MDN1: variants seen among roughly 807,000 people sequenced by gnomAD.
MDN1 encodes the protein midasin.
In MDN1, 266 loss-of-function variants were observed where a neutral mutation model predicts 669.2. The ratio of observed to expected loss-of-function variants is 0.40; its 90% CI spans 0.36 to 0.44. The LOEUF is 0.44. Among genes scored for constraint, MDN1 ranks in the 20% least tolerant of loss-of-function variants. The pLI is 1.00. For missense variants in MDN1, 5,940 were observed against 6,754.0 expected (o/e 0.88, Z 4.22); for synonymous variants, 2,385 against 2,457.1 (o/e 0.97, Z 0.87).
chr6:89,802,352 G>A (rs1767721870), intron 2 of MDN1, among the ~76,000 whole-genome samples: 1 of 152,122 alleles, frequency 6.6e-6, no homozygotes, highest in African/African-American at 2.4e-5. Context: ...TGTATTTATT[G>A]CATTGATGAA....
rs1278380103 is a variant in MDN1, at chr6:89,690,758, T to C, written c.10664A>G (p.Tyr3555Cys). The change falls in exon 64 of 102, where the codon TAC becomes TGC. Residue 3555 changes from tyrosine to cysteine, a missense_variant. Transcript: ENST00000369393. ...GGCTGTCCTAGAGTTCCTGCTCCTG[T>C]ATCTATACAGGCCGCTTTCCTGCTC... Reference protein sequence around the residue: ...KAEQESGLYRYRSRNSRTALS... With the variant: ...KAEQESGLYRCRSRNSRTALS... The C allele has an allele frequency of 6.2e-7, 1 of 1,614,168 alleles. No individual in the cohort carries two copies. Among genetic ancestry groups the C allele is most frequent in the Non-Finnish European group, 8.5e-7 (1 of 1,180,030 alleles).
chr6:89,762,291 C>G (rs1240896644), intron 16 of MDN1, 28 bp downstream of exon 16: 5 of 1,584,524 alleles, frequency 3.2e-6, no homozygotes, highest in Non-Finnish European at 4.3e-6. Context: ...CATGCCCTCC[C>G]CCATGGCAGC....
chr6:89,697,479 G>T (rs1305690828), intron 59 of MDN1, among the ~76,000 whole-genome samples: 1 of 151,984 alleles, frequency 6.6e-6, no homozygotes, highest in African/African-American at 2.4e-5. Flanking sequence ...AAACTTGAGA[G>T]ATGACAGAAA....
rs761135456 is a variant in MDN1, at chr6:89,690,669, C to T, written c.10749+4G>A. ...CAAAACACACCCTGCCATCACTGCT[C>T]TACCTTTTCATGCAGGGGGAACTGT... On this transcript the variant is annotated splice_donor_region_variant and intron_variant, in intron 64 of 101. Transcript: ENST00000369393. The T allele has an allele frequency of 1.9e-5, 31 of 1,613,888 alleles. No individual in the cohort carries two copies. The highest frequency in any genetic ancestry group is 2.5e-5 in the Non-Finnish European group (29 of 1,179,966).
chr6:89,686,859 C>A, intron 69 of MDN1, 43 bp downstream of exon 69: 3 of 1,607,012 alleles, frequency 1.9e-6, no homozygotes, highest in Non-Finnish European at 2.5e-6. Context: ...TCCATTTAGC[C>A]GGGAAGCTCT....
In MDN1 at chr6:89,712,590, G is replaced by T. The variant is rs1327257600; in HGVS notation, c.7415C>A (p.Thr2472Asn). Residue 2472 changes from threonine to asparagine, a missense_variant, in exon 48 of 102, where the codon ACC (threonine) becomes AAC (asparagine). Thr to Asn is a moderately conservative substitution (Grantham distance 65, BLOSUM62 0). This residue lies in a region of MDN1 where 2,292 missense variants were observed against 2,638.3 expected (regional missense o/e 0.87). Transcript: ENST00000369393. ...VYCLNRMSMK[T>N]SSWTRSQPFT... ...CTCCACTGACCTTGTCCAGCTGCTGGTTTTCATGCTCATCCTGTTGAGACA... is the reference window on the plus strand; with the variant it reads ...CTCCACTGACCTTGTCCAGCTGCTGTTTTTCATGCTCATCCTGTTGAGACA... 30 of 1,613,940 alleles carry T rather than the reference G, an allele frequency of 1.9e-5. No homozygotes were observed. Among genetic ancestry groups the T allele is most frequent in the Non-Finnish European group, 2.5e-5 (30 of 1,179,980 alleles).
intron 26 of MDN1, among the ~76,000 whole-genome samples, chr6:89,747,697 C>T (rs1220345224): frequency 1.3e-5 from 2 of 151,376 alleles, no homozygotes; most frequent in Non-Finnish European, 2.9e-5. Context: ...CGAGACCATC[C>T]TGGCTAACAT....
chr6:89,762,577 C>G, intron 15 of MDN1, 47 bp from the exon 16 acceptor site: 2 of 1,430,310 alleles, frequency 1.4e-6, no homozygotes, highest in Non-Finnish European at 9.6e-7. Flanking sequence ...CTGAAGTTAA[C>G]AGAAGTTAGA....
At chr6:89,812,621 A>C (rs1029942590) in intron 1 of MDN1, among the ~76,000 whole-genome samples, 1 of 150,606 alleles carries the variant, frequency 6.6e-6, no homozygotes, top group Admixed American at 6.6e-5. Context: ...CTAACTGATC[A>C]GTTAGCCCTT....
chr6:89,747,595 T>TA (rs1179644116), intron 26 of MDN1, 125 bp from the exon 27 acceptor site: 11 of 1,173,000 alleles, frequency 9.4e-6, no homozygotes, highest in Non-Finnish European at 1.2e-5. Context: ...TTCCACTGAA[T>TA]AAGATTAATT....
chr6:89,764,829 G>A (rs1402599430), intron 15 of MDN1, among the ~76,000 whole-genome samples: 1 of 152,104 alleles, frequency 6.6e-6, no homozygotes, highest in East Asian at 1.9e-4. Flanking sequence ...GATTATGAAG[G>A]GCTATACAAA....
chr6:89,712,885 C>A, intron 47 of MDN1, 99 bp from the exon 48 acceptor site: 1 of 1,107,932 alleles, frequency 9.0e-7, no homozygotes, highest in Admixed American at 2.1e-5. Flanking sequence ...CACCTCACAA[C>A]AACTTTTAAT....
intron 74 of MDN1, among the ~76,000 whole-genome samples, chr6:89,679,586 C>T (rs538981401): frequency 6.6e-6 from 1 of 152,146 alleles, no homozygotes; most frequent in Non-Finnish European, 1.5e-5. Context: ...AAGAAGAGAT[C>T]AGGACACAGA....
At chr6:89,703,188 C>T (rs187293178) in intron 53 of MDN1, among the ~76,000 whole-genome samples, 78 of 152,196 alleles carry the variant, frequency 5.1e-4, no homozygotes, top group Non-Finnish European at 7.4e-4. Flanking sequence ...CCACCCACCT[C>T]GGCCTCCCAA....
At chr6:89,766,213 C>G (rs150879948) in intron 15 of MDN1, among the ~76,000 whole-genome samples, 3,845 of 151,988 alleles carry the variant, frequency 0.025, 73 homozygotes, top group Non-Finnish European at 0.041. Flanking sequence ...GGAGAAGAAT[C>G]GCTTGGGCCC....
At position 89,662,857 on chromosome 6, in the gene MDN1, C is replaced by A. The variant is rs897000103; in HGVS notation, c.14347G>T (p.Asp4783Tyr). 6 of 1,613,948 alleles carry A rather than the reference C, an allele frequency of 3.7e-6. No individual in the cohort carries two copies. In the African/African-American group the frequency reaches 5.3e-5, roughly 14 times the overall value. The change falls in exon 86 of 102, where the codon GAT becomes TAT. Residue 4783 changes from aspartate (D) to tyrosine (Y), a missense_variant. Physicochemically the swap from Asp to Tyr is radical, Grantham distance 160. Around this residue, in one of 5 missense-constraint regions of MDN1, gnomAD observed 2,280 missense variants for 2,576.3 expected, o/e 0.88. Coordinates refer to ENST00000369393, the MANE Select transcript of MDN1 (RefSeq NM_014611.3). ...TCTTCCTCCTCATCTTCCTCCTCAT[C>A]ATCATCACCCCAAAGCCTCTCATCT... ...KLDERLWGDDDEEEDEEEEDN... is the reference protein window; with the variant it reads ...KLDERLWGDDYEEEDEEEEDN...
intron 41 of MDN1, 44 bp downstream of exon 41, chr6:89,719,092 A>G (rs1245081732): frequency 1.9e-6 from 3 of 1,612,706 alleles, no homozygotes; most frequent in Non-Finnish European, 2.5e-6. Context: ...AGAAGAAACC[A>G]TTAAAAAATG....
chr6:89,644,863 C>G (rs1808384653), intron 101 of MDN1, 152 bp downstream of exon 101: 1 of 772,644 alleles, frequency 1.3e-6, no homozygotes, highest in Non-Finnish European at 2.0e-6. Flanking sequence ...AGAGAAAATA[C>G]TTACAAGTGC....
At chr6:89,815,190 C>G (rs149094438) in intron 1 of MDN1, 3 of 388,650 alleles carry the variant, frequency 7.7e-6, no homozygotes, top group Non-Finnish European at 1.5e-5. Flanking sequence ...TGCCTACCCT[C>G]TACGGCAGTG....
Sources: allele counts gnomAD v4.1 joint callset (sites outside exome capture counted in the v4.1 genomes callset), GRCh38; gene constraint gnomAD v4.1.1; regional missense constraint gnomAD v4.1.1; transcripts MANE v1.5; gene names NCBI Gene and HGNC (gene_info 2026-07-23, HGNC 2026-07-21).